Variants in DROSHA observed in about 807,000 individuals in gnomAD.
DROSHA encodes the protein ribonuclease 3.
DROSHA carries 56 observed loss-of-function variants against 181.9 expected under a neutral mutation model. The observed-to-expected ratio is 0.31, with a 90% CI of 0.25 to 0.38. The LOEUF (loss-of-function observed/expected upper bound fraction) is 0.38, where lower values mean the gene tolerates loss of function less well. DROSHA is among the 10% of genes least tolerant of loss of function. The pLI, the probability that DROSHA is intolerant of heterozygous loss-of-function variation, is 1.00. For missense variants in DROSHA, 1,218 were observed against 1,743.5 expected, an observed-to-expected ratio of 0.70 and a Z score of 5.37; for synonymous variants, 524 against 591.2, an observed-to-expected ratio of 0.89 and a Z score of 1.65.
At chr5:31,487,303 C>G (rs534162609) in intron 13 of DROSHA, among the ~76,000 whole-genome samples, 128 of 152,274 alleles carry the variant, frequency 8.4e-4, no homozygotes, top group Middle Eastern at 3.4e-3. Context: ...CTAGAGTATA[C>G]CCCTCTCATT....
chr5:31,471,138 T>A (rs1470480405), intron 17 of DROSHA, among the ~76,000 whole-genome samples: 1 of 152,246 alleles, frequency 6.6e-6, no homozygotes, highest in African/African-American at 2.4e-5. Context: ...CTAGCCAGAA[T>A]GTTTTATTTG....
At chr5:31,448,418 A>T in intron 23 of DROSHA, 129 bp downstream of exon 23, 1 of 742,844 alleles carries the variant, frequency 1.3e-6, no homozygotes, top group Admixed American at 2.5e-5. Flanking sequence ...TTGCAAAATT[A>T]GATGATGGCC....
chr5:31,415,237 G>A (rs1271363043), intron 30 of DROSHA, among the ~76,000 whole-genome samples: 1 of 152,218 alleles, frequency 6.6e-6, no homozygotes, highest in Non-Finnish European at 1.5e-5. Context: ...AAATTAAGCA[G>A]ACTGTGATTT....
intron 16 of DROSHA, among the ~76,000 whole-genome samples, chr5:31,483,129 A>T (rs1446292772): frequency 6.6e-6 from 1 of 152,208 alleles, no homozygotes; most frequent in Non-Finnish European, 1.5e-5. Context: ...GAATTCAAGC[A>T]CATGTCAAAA....
In DROSHA at chr5:31,446,193, T is replaced by C. The variant is rs141097912; in HGVS notation, c.2882+2354A>G. 6.1e-3 allele frequency among the ~76,000 whole-genome samples: 932 copies of C among 152,184 alleles called. 8 individuals carry two copies. Among genetic ancestry groups the C allele is most frequent in the African/African-American group, 0.021 (890 of 41,524 alleles). ...CGGGCGTGGTGGCTCACGCCTGTAA[T>C]CCCAGCACTTTGGGAGGCCAAGGCG... On this transcript the variant is annotated intron_variant, in intron 23 of 35. Transcript: ENST00000344624.
chr5:31,526,283 C>T lies in DROSHA; in HGVS notation c.650G>A (p.Ser217Asn). 1 of 1,613,862 alleles carries T rather than the reference C, an allele frequency of 6.2e-7. No individual in the cohort carries two copies. The highest frequency in any genetic ancestry group is 8.5e-7 in the Non-Finnish European group (1 of 1,179,866). ...LPPYPLPKAP[S>N]ERRSPERLKH... ...CAGCCTTTCTGGGGACCTTCTCTCA[C>T]TGGGAGCCTTTGGGAGTGGGTATGG... is the stretch of plus-strand genomic sequence containing the variant. Residue 217 changes from serine (S) to asparagine (N), a missense_variant, in exon 5 of 36, where the codon AGT becomes AAT. Around this residue, in one of 8 missense-constraint regions of DROSHA, gnomAD observed 536 missense variants for 535.4 expected, o/e 1.00. Coordinates refer to ENST00000344624, the MANE Select transcript of DROSHA (RefSeq NM_001382508.1).
chr5:31,511,151 C>T lies in DROSHA; in HGVS notation c.1316G>A (p.Ser439Asn). The change falls in exon 9 of 36, where the codon AGT (serine) becomes AAT (asparagine). Residue 439 changes from serine to asparagine, a missense_variant. Physicochemically the swap from Ser to Asn is conservative, Grantham distance 46. Around this residue, in one of 8 missense-constraint regions of DROSHA, gnomAD observed 460 missense variants for 774.2 expected, o/e 0.59. Transcript: ENST00000344624. ...TTTGTCATATAAGTCACGAAGCCTACTCGTTCCAACCACTGTAGAATCTCC... is the reference window on the plus strand; with the variant it reads ...TTTGTCATATAAGTCACGAAGCCTATTCGTTCCAACCACTGTAGAATCTCC... Reference protein sequence around the residue: ...QVGDSTVVGTSRLRDLYDKFE... With the variant: ...QVGDSTVVGTNRLRDLYDKFE... 6.2e-7 allele frequency: 1 copy of T among 1,613,878 alleles called. No homozygotes were observed. Among genetic ancestry groups the T allele is most frequent in the Non-Finnish European group, 8.5e-7 (1 of 1,179,840 alleles).
intron 6 of DROSHA, among the ~76,000 whole-genome samples, chr5:31,517,577 C>T (rs1034774887): frequency 3.3e-5 from 5 of 152,022 alleles, no homozygotes; most frequent in Admixed American, 3.3e-4. Context: ...ATTAGATGTA[C>T]GTAATACATA....
chr5:31,526,877 G>T lies in DROSHA; in HGVS notation c.56C>A (p.Pro19His), dbSNP rs780530025. 1.2e-6 allele frequency: 2 copies of T among 1,613,140 alleles called. No homozygotes were observed. Among genetic ancestry groups the T allele is most frequent in the Non-Finnish European group, 1.7e-6 (2 of 1,179,816 alleles). The change falls in exon 5 of 36, where the codon CCC (proline) becomes CAC (histidine). Residue 19 changes from proline to histidine, a missense_variant. Physicochemically the swap from Pro to His is moderately conservative, Grantham distance 77. Around this residue, in one of 8 missense-constraint regions of DROSHA, gnomAD observed 536 missense variants for 535.4 expected, o/e 1.00. Coordinates refer to ENST00000344624, the MANE Select transcript of DROSHA (RefSeq NM_001382508.1). ...RMSFHPGRGC[P>H]RGRGGHGARP... ...GGCTCCATGTCCTCCTCGTCCTCGGGGACACCCTCGTCCCGGGTGGAACGA... is the reference window on the plus strand; with the variant it reads ...GGCTCCATGTCCTCCTCGTCCTCGGTGACACCCTCGTCCCGGGTGGAACGA...
intron 6 of DROSHA, among the ~76,000 whole-genome samples, chr5:31,516,808 T>C (rs1376091558): frequency 6.6e-6 from 1 of 152,196 alleles, no homozygotes; most frequent in Non-Finnish European, 1.5e-5. Context: ...GGTACATTAT[T>C]ATTCTTTTAT....
rs756016580 is a variant in DROSHA, at chr5:31,521,198, C to T, written c.872G>A (p.Arg291Lys). 6.2e-7 allele frequency: 1 copy of T among 1,613,632 alleles called. No individual in the cohort carries two copies. Among genetic ancestry groups the T allele is most frequent in the East Asian group, 2.2e-5 (1 of 44,856 alleles). The change falls in exon 6 of 36, where the codon AGA (arginine) becomes AAA (lysine). Residue 291 changes from arginine to lysine, a missense_variant. This residue lies in a region of DROSHA where 536 missense variants were observed against 535.4 expected (regional missense o/e 1.00). Transcript: ENST00000344624. ...TCTTCGGTTGTCTCGATGCCTGTGT[C>T]TCTCCCGTTCTCGCTCTCTTAAAGG... is the stretch of plus-strand genomic sequence containing the variant. ...YERSRERERE[R>K]HRHRDNRRSP...
At chr5:31,473,030 A>G (rs1375243782) in intron 16 of DROSHA, among the ~76,000 whole-genome samples, 1 of 152,222 alleles carries the variant, frequency 6.6e-6, no homozygotes. Context: ...ATGGGCAACC[A>G]TTTTATATCT....
intron 1 of DROSHA, 34 bp downstream of exon 1, chr5:31,531,956 C>G (rs1741477063): frequency 5.7e-6 from 1 of 176,244 alleles, no homozygotes; most frequent in Admixed American, 5.8e-5. Context: ...CACTCGGAAA[C>G]TCTCTTCTAA....
intron 15 of DROSHA, among the ~76,000 whole-genome samples, chr5:31,483,988 T>C (rs1459812300): frequency 7.8e-6 from 1 of 128,860 alleles, no homozygotes. Flanking sequence ...TTTCCCATTT[T>C]AATCACTACA....
At chr5:31,466,014 A>AT (rs1402960700) in intron 19 of DROSHA, among the ~76,000 whole-genome samples, 168 bp downstream of exon 19, 1 of 152,204 alleles carries the variant, frequency 6.6e-6, no homozygotes, top group Non-Finnish European at 1.5e-5. Flanking sequence ...ATATTAAAAG[A>AT]TTTTTTAAAA....
In DROSHA at chr5:31,519,859, T is replaced by C. The variant is rs957801938; in HGVS notation, c.947+1264A>G. Among the ~76,000 whole-genome samples, 8 of 152,246 alleles carry C rather than the reference T, an allele frequency of 5.3e-5. 1 individual carries two copies. In the East Asian group the frequency reaches 9.6e-4, roughly 18 times the overall value. On this transcript the variant is annotated intron_variant, in intron 6 of 35. Transcript: ENST00000344624. The stretch of plus-strand genomic sequence containing the variant: ...TTTCTAATATTAACTTTTCTATCCA[T>C]GCAGTCTTGGAATAAACTCTATCTG...
rs746740335 is a variant in DROSHA at position 31,515,232 on chromosome 5, G to T, written c.1059-13C>A. Reference sequence around the variant, plus strand: ...ACTTGGGGAGCGACTTCAAAAGAGGGCAAAGGAGGTTAATTATTAAAAATA... The same window carrying T: ...ACTTGGGGAGCGACTTCAAAAGAGGTCAAAGGAGGTTAATTATTAAAAATA... On this transcript the variant is annotated splice_polypyrimidine_tract_variant and intron_variant, in intron 7 of 35. Transcript: ENST00000344624. The T allele has an allele frequency of 6.3e-6, 10 of 1,591,458 alleles. No individual in the cohort carries two copies. The Admixed American group carries it at 1.9e-4, about 30-fold the overall frequency.
chr5:31,514,958 T>C lies in DROSHA; in HGVS notation c.1290+30A>G. 1 of 1,604,840 alleles carries C rather than the reference T, an allele frequency of 6.2e-7. No individual in the cohort carries two copies. Among genetic ancestry groups the C allele is most frequent in the Non-Finnish European group, 8.5e-7 (1 of 1,173,580 alleles). On this transcript the variant is annotated intron_variant, in intron 8 of 35. Coordinates refer to ENST00000344624, the MANE Select transcript of DROSHA (RefSeq NM_001382508.1). This position sits in a 1 kb window ranked among gnomAD's most constrained non-coding sequence, Gnocchi z 4.4. ...TAGTGACAACGCCGAGAAGCCCTAG[T>C]CTACAGCTTGTCTGCTACTTCAGAC...
intron 20 of DROSHA, among the ~76,000 whole-genome samples, chr5:31,453,072 C>A (rs1747218721): frequency 6.6e-6 from 1 of 152,154 alleles, no homozygotes. Flanking sequence ...CTATTCAGTG[C>A]AACTGCCTTT....
Sources: gnomAD v4.1 joint callset for allele counts (sites outside exome capture counted in the v4.1 genomes callset) on GRCh38, gnomAD v4.1.1 for gene constraint, gnomAD v4.1.1 regional missense constraint, Gnocchi (gnomAD v3.1) non-coding constraint, MANE v1.5 for transcripts, NCBI Gene and HGNC (gene_info 2026-07-23, HGNC 2026-07-21) for gene names.